Variants in MROH1 observed in about 807,000 individuals in gnomAD.
The protein encoded by MROH1 is maestro heat like repeat family member 1.
In MROH1, 117 loss-of-function variants were observed where a neutral mutation model predicts 116.5. That is an observed-to-expected ratio of 1.00 (90% CI 0.86 to 1.17). The LOEUF (loss-of-function observed/expected upper bound fraction) is 1.17, where lower values mean the gene tolerates loss of function less well. Ranked by LOEUF, MROH1 falls within the 50% of genes most tolerant of loss-of-function variation. The pLI, the probability that MROH1 is intolerant of heterozygous loss-of-function variation, is 0.00. For synonymous variants in MROH1, 921 were observed against 583.9 expected (o/e 1.58, Z -8.32); for missense variants, 1,873 against 1,338.5 (o/e 1.40, Z -6.23).
chr8:144,162,394 T>C (rs971992406), intron 2 of MROH1, among the ~76,000 whole-genome samples: 1 of 150,926 alleles, frequency 6.6e-6, no homozygotes, highest in Admixed American at 6.6e-5. Flanking sequence ...GCCCTGTTTT[T>C]CTTTTCTTTT....
At chr8:144,232,100 T>C (rs1449956789) in intron 14 of MROH1, among the ~76,000 whole-genome samples, 6 of 152,230 alleles carry the variant, frequency 3.9e-5, no homozygotes, top group Non-Finnish European at 7.3e-5. Context: ...CCATAATCTA[T>C]AGTAGGGTAA....
intron 10 of MROH1, among the ~76,000 whole-genome samples, chr8:144,197,714 C>T (rs576304434): frequency 6.9e-6 from 1 of 145,142 alleles, no homozygotes; most frequent in African/African-American, 2.5e-5. Flanking sequence ...GGATTACAGG[C>T]GTGAGCCACT....
Position 144,163,842 on chromosome 8 carries a change from A to G in MROH1, c.16A>G (p.Met6Val). 6.2e-7 allele frequency: 1 copy of G among 1,613,776 alleles called. No homozygotes were observed. The highest frequency in any genetic ancestry group is 8.5e-7 in the Non-Finnish European group (1 of 1,179,782). The change falls in exon 3 of 44, where the codon ATG becomes GTG. Residue 6 changes from methionine to valine, a missense_variant. Transcript: ENST00000326134. The surrounding 1 kb of genome is among the most constrained non-coding windows in gnomAD (Gnocchi z 4.4). MTESS[M>V]KKLASTLLDA... ...AACCACAGACATGACTGAGTCCTCCATGAAGAGTGAGTGCATGGGGATTGG... is the reference window on the plus strand; with the variant it reads ...AACCACAGACATGACTGAGTCCTCCGTGAAGAGTGAGTGCATGGGGATTGG...
chr8:144,154,486 C>T (rs962492844), intron 1 of MROH1, among the ~76,000 whole-genome samples: 4 of 152,064 alleles, frequency 2.6e-5, no homozygotes, highest in East Asian at 1.9e-4. Flanking sequence ...GGGAGAACCA[C>T]GGGCGACTGG....
intron 7 of MROH1, among the ~76,000 whole-genome samples, chr8:144,181,186 G>A (rs940321073): frequency 2.0e-5 from 3 of 150,874 alleles, no homozygotes; most frequent in African/African-American, 7.4e-5. Context: ...GAGGAGAACA[G>A]GACCCTCGTG....
At chr8:144,192,760 G>A (rs1187134395) in intron 10 of MROH1, 1 of 421,594 alleles carries the variant, frequency 2.4e-6, no homozygotes, top group Non-Finnish European at 4.5e-6. Context: ...AGGAGCAGAG[G>A]AGAGGCCCTG....
intron 12 of MROH1, among the ~76,000 whole-genome samples, chr8:144,213,765 G>A (rs1834683460): frequency 1.3e-5 from 2 of 151,976 alleles, no homozygotes; most frequent in Non-Finnish European, 2.9e-5. Context: ...TCCAGCCTGG[G>A]CAGCAGAGCA....
At chr8:144,255,036 G>C (rs1843452164) in intron 34 of MROH1, 58 bp downstream of exon 34, 2 of 696,512 alleles carry the variant, frequency 2.9e-6, no homozygotes, top group Non-Finnish European at 5.3e-6. Context: ...TTGCCTGGGT[G>C]CCCGGGGGCA....
chr8:144,260,160 C>T, intron 38 of MROH1, 26 bp from the exon 39 acceptor site: 1 of 763,650 alleles, frequency 1.3e-6, no homozygotes, highest in Non-Finnish European at 2.4e-6. Context: ...ACTCTGGGAC[C>T]CAGGCTGAGT....
chr8:144,226,489 A>G (rs539780559), intron 14 of MROH1, among the ~76,000 whole-genome samples: 2 of 151,814 alleles, frequency 1.3e-5, no homozygotes, highest in African/African-American at 2.4e-5. Context: ...GTCTTGCTCT[A>G]TTACTCAGGC....
intron 12 of MROH1, among the ~76,000 whole-genome samples, chr8:144,201,751 G>A (rs1282732304): frequency 1.3e-5 from 2 of 151,962 alleles, no homozygotes; most frequent in African/African-American, 4.8e-5. Context: ...AGTGGCTCAC[G>A]CCTGTAATCC....
At chr8:144,179,744 G>A (rs1190399897) in intron 5 of MROH1, among the ~76,000 whole-genome samples, 158 bp downstream of exon 5, 1 of 149,918 alleles carries the variant, frequency 6.7e-6, no homozygotes, top group Non-Finnish European at 1.5e-5. Flanking sequence ...CCCTGCAGGG[G>A]TGGGGGGTGG....
At chr8:144,202,815 G>A (rs1588134221) in intron 12 of MROH1, among the ~76,000 whole-genome samples, 2 of 55,030 alleles carry the variant, frequency 3.6e-5, no homozygotes, top group African/African-American at 7.3e-5. Context: ...GGCTCTCTGT[G>A]GAGGGGCGGG....
intron 4 of MROH1, among the ~76,000 whole-genome samples, chr8:144,172,390 G>C (rs1587864421): frequency 6.6e-6 from 1 of 151,970 alleles, no homozygotes; most frequent in East Asian, 1.9e-4. Context: ...AAGTCCTTAG[G>C]CAACATTTAA....
In MROH1 at chr8:144,244,343, CTG is replaced by C; in HGVS notation, c.2670+11_2670+12del. The C allele has an allele frequency of 1.4e-6, 1 of 720,518 alleles. No individual in the cohort carries two copies. The highest frequency in any genetic ancestry group is 2.6e-6 in the Non-Finnish European group (1 of 386,080). 44.6% of individuals were successfully genotyped at this position (720,518 alleles called of 1,614,324 possible). ...GGACGGAGGCTGCCAGAAGGTATCC[CTG>C]TGTTTCCCTTGCCTGTGTCCACATC... On this transcript the variant is annotated splice_region_variant and intron_variant, in intron 27 of 43. Coordinates refer to ENST00000326134, the MANE Select transcript of MROH1 (RefSeq NM_032450.3).
At position 144,192,287 on chromosome 8, in the gene MROH1, C is replaced by G. The variant is rs945235009; in HGVS notation, c.856-22C>G. ...GGCGGCTGGAGGTAGGACTGACGGC[C>G]TCTTCTCCCTACCCGGAGCAGAGCC... On this transcript the variant is annotated intron_variant, in intron 9 of 43. Coordinates refer to ENST00000326134, the MANE Select transcript of MROH1 (RefSeq NM_032450.3). 2.6e-6 allele frequency: 4 copies of G among 1,564,814 alleles called. No individual in the cohort carries two copies. The African/African-American group carries it at 5.4e-5, about 21-fold the overall frequency.
chr8:144,260,182 T>C lies in MROH1; in HGVS notation c.4192-4T>C. 2 of 764,678 alleles carry C rather than the reference T, an allele frequency of 2.6e-6. No individual in the cohort carries two copies. Among genetic ancestry groups the C allele is most frequent in the South Asian group, 1.3e-5 (1 of 74,494 alleles). The allele number at this position is 764,678 out of a possible 1,614,324, so 47.4% of individuals were successfully genotyped here. A position where few individuals can be genotyped will look rare whatever the true frequency, so the allele number is the denominator to read the frequency against. The stretch of plus-strand genomic sequence containing the variant: ...GACCCAGGCTGAGTGTAAGGTATCC[T>C]CAGGTGCGAACCCACGGCCCCCAGC... On this transcript the variant is annotated splice_region_variant and splice_polypyrimidine_tract_variant and intron_variant, in intron 38 of 43. Transcript: ENST00000326134.
At chr8:144,212,905 T>A (rs958980136) in intron 12 of MROH1, 23 of 693,140 alleles carry the variant, frequency 3.3e-5, no homozygotes, top group Non-Finnish European at 6.2e-5. Flanking sequence ...TTCTGTTACG[T>A]CTCTATCTCT....
intron 43 of MROH1, 82 bp from the exon 44 acceptor site, chr8:144,261,573 C>A (rs1318655837): frequency 2.9e-6 from 2 of 700,186 alleles, no homozygotes; most frequent in Non-Finnish European, 5.2e-6. Context: ...CCAGCAGAGG[C>A]TGTCAGGAGA....
Sources: gnomAD v4.1 joint callset for allele counts (sites outside exome capture counted in the v4.1 genomes callset) on GRCh38, gnomAD v4.1.1 for gene constraint, Gnocchi (gnomAD v3.1) non-coding constraint, MANE v1.5 for transcripts, NCBI Gene and HGNC (gene_info 2026-07-23, HGNC 2026-07-21) for gene names.